The following UIMC1 variants were observed in gnomAD, a reference collection of about 807,000 sequenced individuals.
UIMC1 encodes the protein BRCA1-A complex subunit RAP80.
A neutral mutation model predicts 84.9 loss-of-function variants in UIMC1; 42 were observed. That is an observed-to-expected ratio of 0.49 (90% confidence interval 0.39 to 0.64). The LOEUF is 0.64. Ranked by LOEUF, UIMC1 falls within the 30% of genes least tolerant of loss-of-function variation. The pLI is 0.00. For synonymous variants in UIMC1, 281 were observed against 293.0 expected, an observed-to-expected ratio of 0.96 and a Z score of 0.42; for missense variants, 825 against 847.6, an observed-to-expected ratio of 0.97 and a Z score of 0.33.
At chr5:177,008,778 G>T (rs529570839), upstream of UIMC1, among the ~76,000 whole-genome samples, 2 of 152,280 alleles carry the variant, frequency 1.3e-5, no homozygotes, top group Admixed American at 1.3e-4. Context: ...AGGCAGAAAT[G>T]ATGGCATGTC....
chr5:177,019,663 A>G (rs902282189), intron 1 of UIMC1, among the ~76,000 whole-genome samples: 1 of 150,934 alleles, frequency 6.6e-6, no homozygotes, highest in Non-Finnish European at 1.5e-5. Flanking sequence ...TGGGTGTGGT[A>G]GCTCATGCCT....
At chr5:176,953,981 C>A (rs529868164) in intron 8 of UIMC1, among the ~76,000 whole-genome samples, 2 of 152,202 alleles carry the variant, frequency 1.3e-5, no homozygotes, top group South Asian at 4.1e-4. Context: ...AGGAGTTTGG[C>A]TTCATGGTGA....
intron 1 of UIMC1, among the ~76,000 whole-genome samples, chr5:176,989,859 A>C (rs1180137441): frequency 6.6e-6 from 1 of 151,912 alleles, no homozygotes; most frequent in Non-Finnish European, 1.5e-5. Context: ...TCATATGCTG[A>C]CATCTAATCC....
chr5:176,969,651 G>C lies in UIMC1; in HGVS notation c.413C>G (p.Pro138Arg). Reference sequence around the variant, plus strand: ...TTTCTCTTGATGGGACTGGGAAGACGGTCCAGTGGCCAGAGGTCGAGATCT... The same window carrying C: ...TTTCTCTTGATGGGACTGGGAAGACCGTCCAGTGGCCAGAGGTCGAGATCT... ...ATRSRPLATG[P>R]SSQSHQEKTT... Residue 138 changes from proline to arginine, a missense_variant, in exon 5 of 15, where the codon CCG (proline) becomes CGG (arginine). Pro to Arg is a moderately radical substitution (Grantham distance 103). Coordinates refer to ENST00000511320, the MANE Select transcript of UIMC1 (RefSeq NM_001199298.2). The C allele has an allele frequency of 6.2e-7, 1 of 1,614,094 alleles. No individual in the cohort carries two copies. Among genetic ancestry groups the C allele is most frequent in the Non-Finnish European group, 8.5e-7 (1 of 1,180,032 alleles).
At chr5:176,941,716 C>G (rs1764463767) in intron 10 of UIMC1, among the ~76,000 whole-genome samples, 1 of 152,134 alleles carries the variant, frequency 6.6e-6, no homozygotes, top group South Asian at 2.1e-4. Flanking sequence ...GAGAGCTGTG[C>G]TGACATGACT....
chr5:176,985,890 T>TATTA (rs1486923481), intron 1 of UIMC1, among the ~76,000 whole-genome samples: 1 of 152,190 alleles, frequency 6.6e-6, no homozygotes, highest in Non-Finnish European at 1.5e-5. Flanking sequence ...CCATAACTAA[T>TATTA]AAGCTAACAT....
chr5:176,922,573 C>G (rs752388290), intron 10 of UIMC1, among the ~76,000 whole-genome samples: 27 of 152,178 alleles, frequency 1.8e-4, no homozygotes, highest in Admixed American at 7.2e-4. Context: ...TTCTTTCAGT[C>G]TTTATTTTGA....
Position 176,908,579 on chromosome 5 carries a change from C to T in UIMC1, c.1792G>A (p.Gly598Arg). Reference sequence around the variant, plus strand: ...CCCTCCACAGTTGAACATGCTCTTCCACTCCCTTCAGGTCCATCTCCTTGG... The same window carrying T: ...CCCTCCACAGTTGAACATGCTCTTCTACTCCCTTCAGGTCCATCTCCTTGG... ...ADQGDGPEGS[G>R]RACSTVEGKW... The change falls in exon 12 of 15, where the codon GGA (glycine) becomes AGA (arginine). Residue 598 changes from glycine (G) to arginine (R), a missense_variant. Transcript: ENST00000511320. 2 of 1,614,158 alleles carry T rather than the reference C, an allele frequency of 1.2e-6. No individual in the cohort carries two copies. Among genetic ancestry groups the T allele is most frequent in the Non-Finnish European group, 1.7e-6 (2 of 1,180,012 alleles).
intron 1 of UIMC1, among the ~76,000 whole-genome samples, chr5:177,020,575 C>T (rs928128667): frequency 2.0e-5 from 3 of 152,146 alleles, no homozygotes; most frequent in Non-Finnish European, 4.4e-5. Context: ...GGACTACAGG[C>T]GCCCGCCACC....
intron 1 of UIMC1, among the ~76,000 whole-genome samples, chr5:177,017,671 C>CTTT (rs570344600): frequency 5.1e-4 from 70 of 138,180 alleles, no homozygotes; most frequent in African/African-American, 1.7e-3. Flanking sequence ...CACGCTGGCC[C>CTTT]TTTTTTTTTT....
At chr5:177,013,777 GA>G (rs2149554467) in intron 1 of UIMC1, among the ~76,000 whole-genome samples, 1 of 152,298 alleles carries the variant, frequency 6.6e-6, no homozygotes, top group East Asian at 1.9e-4. Context: ...AAGTCCAAAG[GA>G]AACTGGGCAC....
At chr5:176,917,883 T>C (rs890071504) in intron 10 of UIMC1, among the ~76,000 whole-genome samples, 1 of 152,130 alleles carries the variant, frequency 6.6e-6, no homozygotes, top group Non-Finnish European at 1.5e-5. Flanking sequence ...TGCTTGAACC[T>C]GGAAGGCAGA....
At chr5:176,993,655 T>C (rs1286929530) in intron 1 of UIMC1, among the ~76,000 whole-genome samples, 2 of 152,146 alleles carry the variant, frequency 1.3e-5, no homozygotes, top group Admixed American at 6.5e-5. Context: ...CCACAACATA[T>C]GTATATTTAC....
intron 10 of UIMC1, among the ~76,000 whole-genome samples, chr5:176,914,046 C>A (rs1158983293): frequency 6.7e-6 from 1 of 150,202 alleles, no homozygotes; most frequent in African/African-American, 2.5e-5. Flanking sequence ...ATACACCATA[C>A]CATACCATAC....
At chr5:177,016,972 G>A (rs1385701488) in intron 1 of UIMC1, among the ~76,000 whole-genome samples, 1 of 152,224 alleles carries the variant, frequency 6.6e-6, no homozygotes, top group East Asian at 1.9e-4. Flanking sequence ...GCAGTGAGCT[G>A]AGATTGCGCC....
Position 176,978,035 on chromosome 5 carries a change from C to T in UIMC1, c.148-2555G>A, listed in dbSNP as rs374181674. On this transcript the variant is annotated intron_variant, in intron 2 of 14. Transcript: ENST00000511320. ...AGAAAAAAAGACTTTTTTTCATATA[C>T]AAAAATACCAAGACACTATAAGAAT... 1.6e-4 allele frequency among the ~76,000 whole-genome samples: 24 copies of T among 152,010 alleles called. No homozygotes were observed. The East Asian group carries it at 4.0e-3, about 26-fold the overall frequency.
At chr5:176,957,108 T>C (rs1292393559) in intron 7 of UIMC1, among the ~76,000 whole-genome samples, 1 of 152,126 alleles carries the variant, frequency 6.6e-6, no homozygotes, top group Non-Finnish European at 1.5e-5. Flanking sequence ...CTCACCACAA[T>C]AAAGCAGAGA....
chr5:176,968,864 G>A lies in UIMC1; in HGVS notation c.891C>T (p.Leu297=). The A allele has an allele frequency of 6.2e-7, 1 of 1,614,152 alleles. No individual in the cohort carries two copies. The highest frequency in any genetic ancestry group is 8.5e-7 in the Non-Finnish European group (1 of 1,180,026). The change falls in exon 6 of 15, where the codon CTC becomes CTT. Residue 297 remains leucine (L), a synonymous_variant. Transcript: ENST00000511320. ...TCTTTTGATAAACCTCCAACTGGCAGAGAATGACCTTGGTATACTGGTTAG... is the reference window on the plus strand; with the variant it reads ...TCTTTTGATAAACCTCCAACTGGCAAAGAATGACCTTGGTATACTGGTTAG... The part of the protein sequence containing the change: ...VDPNQYTKVI[L]CQLEVYQKSL...
intron 1 of UIMC1, among the ~76,000 whole-genome samples, chr5:176,983,662 A>G (rs1771400136): frequency 6.6e-6 from 1 of 151,884 alleles, no homozygotes; most frequent in Admixed American, 6.6e-5. Flanking sequence ...CACCCCATCT[A>G]AGAAGTGAGC....
Sources: allele counts gnomAD v4.1 joint callset (sites outside exome capture counted in the v4.1 genomes callset), GRCh38; gene constraint gnomAD v4.1.1; transcripts MANE v1.5; gene names NCBI Gene and HGNC (gene_info 2026-07-23, HGNC 2026-07-21).